The following EYA4 variants were observed in gnomAD, a reference collection of about 807,000 sequenced individuals.
EYA4 encodes the protein EYA transcriptional coactivator and phosphatase 4.
A neutral mutation model predicts 87.9 loss-of-function variants in EYA4; 31 were observed. That is an observed-to-expected ratio of 0.35 (90% CI 0.27 to 0.48). The LOEUF (loss-of-function observed/expected upper bound fraction) is 0.48. Ranked by LOEUF, EYA4 falls within the 20% of genes least tolerant of loss-of-function variation. The pLI, the probability that EYA4 is intolerant of heterozygous loss-of-function variation, is 0.99. For synonymous variants in EYA4, 263 were observed against 270.6 expected, an observed-to-expected ratio of 0.97 and a Z score of 0.28; for missense variants, 678 against 761.4, an observed-to-expected ratio of 0.89 and a Z score of 1.29.
chr6:133,261,666 T>C (rs2128243021), intron 1 of EYA4, among the ~76,000 whole-genome samples: 1 of 152,310 alleles, frequency 6.6e-6, no homozygotes, highest in East Asian at 1.9e-4. Context: ...TGGAGATCAG[T>C]GGTTAGTATA....
At chr6:133,363,470 T>A (rs1784606961) in intron 2 of EYA4, 1 of 125,414 alleles carries the variant, frequency 8.0e-6, no homozygotes, top group African/African-American at 2.9e-5. Flanking sequence ...CGTGGAGACC[T>A]TGTAACTCTT....
chr6:133,477,454 TTTGAG>T (rs945879803), intron 11 of EYA4, among the ~76,000 whole-genome samples: 2 of 152,242 alleles, frequency 1.3e-5, no homozygotes, highest in South Asian at 2.1e-4. Flanking sequence ...CCATTTTTTA[TTTGAG>T]TTATTTGTTT....
At chr6:133,481,047 G>GTGGAAGGGAAGATGGGAGA (rs1562470423) in intron 11 of EYA4, among the ~76,000 whole-genome samples, 18 of 151,876 alleles carry the variant, frequency 1.2e-4, no homozygotes, top group African/African-American at 2.7e-4. Flanking sequence ...GATGAGAGAG[G>GTGGAAGGGAAGATGGGAGA]GTTTGACTAA....
chr6:133,468,862 A>C, intron 11 of EYA4, 131 bp downstream of exon 11: 2 of 925,238 alleles, frequency 2.2e-6, no homozygotes, highest in Non-Finnish European at 3.5e-6. Context: ...CTGTGTTAGC[A>C]TGACTGTGTA....
At chr6:133,466,773 TAA>T (rs5880182) in intron 10 of EYA4, among the ~76,000 whole-genome samples, 48 of 136,300 alleles carry the variant, frequency 3.5e-4, no homozygotes, top group Non-Finnish European at 3.3e-4. Context: ...TCACTGAACT[TAA>T]AAAAAAAAAA....
At chr6:133,320,240 A>C (rs1780978374) in intron 2 of EYA4, among the ~76,000 whole-genome samples, 1 of 148,662 alleles carries the variant, frequency 6.7e-6, no homozygotes, top group Admixed American at 6.8e-5. Flanking sequence ...TTTGAAAGCT[A>C]TACAGCATGG....
chr6:133,382,900 C>T (rs1418557473), intron 3 of EYA4, among the ~76,000 whole-genome samples: 5 of 151,792 alleles, frequency 3.3e-5, no homozygotes, highest in African/African-American at 4.8e-5. Context: ...TTGGCATTCT[C>T]GTTTGGGTTG....
At chr6:133,397,559 A>G (rs1022035126) in intron 3 of EYA4, among the ~76,000 whole-genome samples, 1 of 152,212 alleles carries the variant, frequency 6.6e-6, no homozygotes, top group Non-Finnish European at 1.5e-5. Context: ...CATATTGATA[A>G]CTGCTTCTTG....
At chr6:133,428,748 C>A (rs1276541813) in intron 3 of EYA4, among the ~76,000 whole-genome samples, 2 of 151,984 alleles carry the variant, frequency 1.3e-5, no homozygotes, top group Admixed American at 6.6e-5. Flanking sequence ...TGAATAGGAA[C>A]CTCTCCTAGA....
At chr6:133,517,557 A>T (rs1228514425) in intron 17 of EYA4, among the ~76,000 whole-genome samples, 1 of 152,168 alleles carries the variant, frequency 6.6e-6, no homozygotes, top group Non-Finnish European at 1.5e-5. Flanking sequence ...GTTAATATTA[A>T]GAACATGAAA....
At chr6:133,517,624 T>G (rs1024925485) in intron 17 of EYA4, among the ~76,000 whole-genome samples, 3 of 152,204 alleles carry the variant, frequency 2.0e-5, no homozygotes, top group South Asian at 2.1e-4. Flanking sequence ...CAGGCAGAGC[T>G]GCATGGATAG....
At chr6:133,254,704 C>T (rs1047527291) in intron 1 of EYA4, among the ~76,000 whole-genome samples, 6 of 152,158 alleles carry the variant, frequency 3.9e-5, no homozygotes, top group Admixed American at 2.0e-4. Context: ...AGCATATTTG[C>T]TCTGTGTTTC....
At chr6:133,492,463 A>T (rs1484176893) in intron 13 of EYA4, among the ~76,000 whole-genome samples, 2 of 152,200 alleles carry the variant, frequency 1.3e-5, no homozygotes, top group Admixed American at 6.5e-5. Context: ...CCTTAACACA[A>T]TAAAAGCCAT....
intron 2 of EYA4, among the ~76,000 whole-genome samples, chr6:133,319,828 A>G (rs1780932929): frequency 6.6e-6 from 1 of 151,008 alleles, no homozygotes; most frequent in Admixed American, 6.6e-5. Context: ...CGATCCTCCC[A>G]TCTCAGCCCC....
chr6:133,241,739 C>T lies in EYA4; in HGVS notation c.-76C>T, dbSNP rs78081370. 5,682 of 152,498 alleles carry T rather than the reference C, an allele frequency of 0.037. 377 individuals are homozygous for T. The highest frequency in any genetic ancestry group is 0.13 in the African/African-American group (5,355 of 41,566). The allele number at this position is 152,498 out of a possible 1,614,324, so 9.4% of individuals were successfully genotyped here. On this transcript the variant is annotated 5_prime_UTR_variant, in exon 1 of 20. Coordinates refer to ENST00000355286, the MANE Select transcript of EYA4 (RefSeq NM_004100.5). The stretch of plus-strand genomic sequence containing the variant: ...GACACTTCGGGAACCCGAGGCGGAC[C>T]GGGCGACGAGGTGAGTGACCCCTTC...
intron 11 of EYA4, among the ~76,000 whole-genome samples, chr6:133,469,012 CA>C (rs1795095964): frequency 6.6e-6 from 1 of 151,998 alleles, no homozygotes; most frequent in African/African-American, 2.4e-5. Flanking sequence ...GAACTTGCAA[CA>C]AAGTTGTAAT....
At chr6:133,314,872 A>G (rs1297083481) in intron 2 of EYA4, among the ~76,000 whole-genome samples, 2 of 152,226 alleles carry the variant, frequency 1.3e-5, no homozygotes, top group African/African-American at 2.4e-5. Context: ...CTCCAAACCA[A>G]TGGAAATTTC....
rs761823494 is a variant in EYA4, at chr6:133,456,546, T to C, written c.278-10T>C. 2 of 1,588,374 alleles carry C rather than the reference T, an allele frequency of 1.3e-6. No individual in the cohort carries two copies. Among genetic ancestry groups the C allele is most frequent in the East Asian group, 4.5e-5 (2 of 44,732 alleles). On this transcript the variant is annotated splice_polypyrimidine_tract_variant and intron_variant, in intron 5 of 19. Transcript: ENST00000355286. ...AAGTAAAACTCACATGTACTTATTC[T>C]TCTACGTAGTGTCTCTTCTTGCAGT...
chr6:133,380,518 G>C (rs1487396295), intron 2 of EYA4, among the ~76,000 whole-genome samples: 1 of 152,122 alleles, frequency 6.6e-6, no homozygotes, highest in Non-Finnish European at 1.5e-5. Context: ...TCTAGTTTGT[G>C]GTGGTCTGGA....
Sources: gnomAD v4.1 joint callset for allele counts (sites outside exome capture counted in the v4.1 genomes callset) on GRCh38, gnomAD v4.1.1 for gene constraint, MANE v1.5 for transcripts, NCBI Gene and HGNC (gene_info 2026-07-23, HGNC 2026-07-21) for gene names.